HS2ST1: variants seen among roughly 807,000 people sequenced by gnomAD.
HS2ST1 encodes the protein 2-O-sulfotransferase.
HS2ST1 carries 18 observed loss-of-function variants against 42.9 expected under a neutral mutation model. The ratio of observed to expected loss-of-function variants is 0.42; its 90% CI spans 0.29 to 0.62. The LOEUF (loss-of-function observed/expected upper bound fraction) is 0.62. Ranked by LOEUF, HS2ST1 falls within the 20% of genes least tolerant of loss-of-function variation. HS2ST1 has a pLI of 0.21. For synonymous variants in HS2ST1, 146 were observed against 152.9 expected (o/e 0.95, Z 0.33); for missense variants, 334 against 433.8 (o/e 0.77, Z 2.04).
At chr1:86,973,105 T>G (rs1199526891) in intron 1 of HS2ST1, among the ~76,000 whole-genome samples, 5 of 152,218 alleles carry the variant, frequency 3.3e-5, no homozygotes, top group Admixed American at 2.6e-4. Flanking sequence ...ACTGTAAAGC[T>G]ATCTTTCCAT....
intron 1 of HS2ST1, among the ~76,000 whole-genome samples, chr1:87,039,889 G>A (rs1016415355): frequency 3.9e-5 from 6 of 152,112 alleles, no homozygotes; most frequent in African/African-American, 1.4e-4. Context: ...AGTTTTTGAT[G>A]GTGTATGGAG....
At chr1:87,072,824 G>GT (rs891426450) in intron 1 of HS2ST1, 110 bp from the exon 2 acceptor site, 4 of 775,984 alleles carry the variant, frequency 5.2e-6, no homozygotes, top group Non-Finnish European at 6.3e-6. Flanking sequence ...CTTTGCTTTT[G>GT]TTTTTTGTTT....
intron 1 of HS2ST1, among the ~76,000 whole-genome samples, chr1:86,938,840 A>G (rs927475880): frequency 1.2e-4 from 18 of 152,214 alleles, no homozygotes; most frequent in African/African-American, 4.1e-4. Context: ...GAGTCTAGGA[A>G]ATGTCAGAAC....
chr1:87,022,514 A>G (rs1649978791), intron 1 of HS2ST1, among the ~76,000 whole-genome samples: 1 of 152,210 alleles, frequency 6.6e-6, no homozygotes, highest in South Asian at 2.1e-4. Flanking sequence ...AAATTGTGGC[A>G]CAGTTTTTAA....
chr1:86,919,956 G>A (rs1660257271), intron 1 of HS2ST1, among the ~76,000 whole-genome samples: 1 of 152,124 alleles, frequency 6.6e-6, no homozygotes. Context: ...ACTGTGACTC[G>A]TTACTATAAA....
intron 1 of HS2ST1, among the ~76,000 whole-genome samples, chr1:87,003,605 A>T (rs1222310691): frequency 6.6e-6 from 1 of 152,180 alleles, no homozygotes; most frequent in Non-Finnish European, 1.5e-5. Flanking sequence ...CCTGTCAAAT[A>T]CAGTCAGCTC....
At chr1:86,953,948 A>G (rs1477295298) in intron 1 of HS2ST1, among the ~76,000 whole-genome samples, 1 of 150,656 alleles carries the variant, frequency 6.6e-6, no homozygotes, top group Non-Finnish European at 1.5e-5. Context: ...CAGAAAACAC[A>G]CAACTTGTAT....
chr1:86,997,197 T>C (rs1009103095), intron 1 of HS2ST1, among the ~76,000 whole-genome samples: 11 of 152,044 alleles, frequency 7.2e-5, no homozygotes, highest in African/African-American at 2.7e-4. Context: ...GGCCTAATCG[T>C]GGGGGTTGGG....
intron 1 of HS2ST1, among the ~76,000 whole-genome samples, chr1:86,962,988 G>A (rs913046285): frequency 2.0e-5 from 3 of 152,076 alleles, no homozygotes; most frequent in African/African-American, 7.2e-5. Flanking sequence ...CCTAGAAAAA[G>A]GTGGTAGTAT....
intron 1 of HS2ST1, among the ~76,000 whole-genome samples, chr1:87,058,073 C>G (rs751136087): frequency 5.9e-5 from 9 of 151,576 alleles, no homozygotes; most frequent in Non-Finnish European, 1.2e-4. Flanking sequence ...AAAAACACAT[C>G]TGTACTGTAG....
At chr1:87,016,090 C>T (rs923568686) in intron 1 of HS2ST1, among the ~76,000 whole-genome samples, 1 of 152,202 alleles carries the variant, frequency 6.6e-6, no homozygotes, top group Non-Finnish European at 1.5e-5. Flanking sequence ...GCTGGGATTA[C>T]AGGTGTGAGC....
chr1:86,930,686 C>A (rs1660525231), intron 1 of HS2ST1, among the ~76,000 whole-genome samples: 1 of 151,886 alleles, frequency 6.6e-6, no homozygotes, highest in African/African-American at 2.4e-5. Context: ...CTCCCCTATT[C>A]CTCCCACCCT....
intron 1 of HS2ST1, among the ~76,000 whole-genome samples, chr1:87,016,085 G>A (rs976370217): frequency 6.6e-6 from 1 of 152,174 alleles, no homozygotes; most frequent in Non-Finnish European, 1.5e-5. Flanking sequence ...AAAGTGCTGG[G>A]ATTACAGGTG....
intron 1 of HS2ST1, among the ~76,000 whole-genome samples, chr1:87,032,484 G>A (rs1650264572): frequency 6.6e-6 from 1 of 151,914 alleles, no homozygotes; most frequent in Admixed American, 6.6e-5. Context: ...AATAAATTAA[G>A]GTCAATTTTG....
chr1:86,959,750 TACA>T (rs1647778876), intron 1 of HS2ST1, among the ~76,000 whole-genome samples: 1 of 84 alleles, frequency 0.012, no homozygotes. Flanking sequence ...GCAACATAAG[TACA>T]GTACAAGATC....
intron 1 of HS2ST1, among the ~76,000 whole-genome samples, chr1:86,959,213 T>C (rs1330828490): frequency 6.6e-6 from 1 of 152,226 alleles, no homozygotes; most frequent in Non-Finnish European, 1.5e-5. Context: ...CTCTTCAGCA[T>C]CATCCTGGAA....
chr1:87,022,989 C>T (rs1408138392), intron 1 of HS2ST1, among the ~76,000 whole-genome samples: 1 of 152,076 alleles, frequency 6.6e-6, no homozygotes, highest in Non-Finnish European at 1.5e-5. Context: ...ATATGCCTAC[C>T]CTGCTCTGTT....
chr1:86,994,040 G>C (rs1240784577), intron 1 of HS2ST1, among the ~76,000 whole-genome samples: 1 of 152,020 alleles, frequency 6.6e-6, no homozygotes, highest in Admixed American at 6.6e-5. Flanking sequence ...GGAAAATTTT[G>C]TTTTCCTCCA....
At position 86,936,197 on chromosome 1, in the gene HS2ST1, C is replaced by T. The variant is rs1004641303; in HGVS notation, c.124+21037C>T. 3.9e-5 allele frequency among the ~76,000 whole-genome samples: 6 copies of T among 152,014 alleles called. No individual in the cohort carries two copies. In the South Asian group the frequency reaches 1.0e-3, roughly 26 times the overall value. ...TAAATTCTGAGTTTTTAGTTGCTTT[C>T]ATTGAATGTTTTTTAAATTTTTAAA... On this transcript the variant is annotated intron_variant, in intron 1 of 6. Coordinates refer to ENST00000370550, the MANE Select transcript of HS2ST1 (RefSeq NM_012262.4).
Sources: gnomAD v4.1 joint callset for allele counts (sites outside exome capture counted in the v4.1 genomes callset) on GRCh38, gnomAD v4.1.1 for gene constraint, MANE v1.5 for transcripts, NCBI Gene and HGNC (gene_info 2026-07-23, HGNC 2026-07-21) for gene names.